Variants in ACP1 observed in about 807,000 individuals in gnomAD.
The protein encoded by ACP1 is acid phosphatase 1.
In ACP1, 23 loss-of-function variants were observed where a neutral mutation model predicts 23.4. The observed-to-expected ratio is 0.98, with a 90% confidence interval of 0.71 to 1.39. The LOEUF (loss-of-function observed/expected upper bound fraction) is 1.39, where lower values mean the gene tolerates loss of function less well. ACP1 is among the 40% of genes most tolerant of loss of function. ACP1 has a pLI of 0.00. For synonymous variants in ACP1, 72 were observed against 67.2 expected (o/e 1.07, Z -0.35); for missense variants, 180 against 197.7 (o/e 0.91, Z 0.54).
At chr2:266,393 A>G (rs977465763) in intron 1 of ACP1, 1 of 152,228 alleles carries the variant, frequency 6.6e-6, no homozygotes, top group African/African-American at 2.4e-5. Context: ...TTGGTTAAGG[A>G]TGGTTACTAA....
chr2:265,144 G>C (rs1316548005), intron 1 of ACP1, 137 bp downstream of exon 1: 5 of 1,000,212 alleles, frequency 5.0e-6, no homozygotes, highest in Admixed American at 3.0e-5. Context: ...GGGTGTTCTA[G>C]GAGTGTGCCG....
In ACP1 at chr2:265,879, C is replaced by G. The variant is rs79851395; in HGVS notation, c.43+872C>G. Reference sequence around the variant, plus strand: ...CTGCCTTCCAGAACCTTTCGTTGTTCGGTAGCACTTCACATGCTTACTGAG... The same window carrying G: ...CTGCCTTCCAGAACCTTTCGTTGTTGGGTAGCACTTCACATGCTTACTGAG... On this transcript the variant is annotated intron_variant, in intron 1 of 5. Coordinates refer to ENST00000272065, the MANE Select transcript of ACP1 (RefSeq NM_004300.4). 5.2e-3 allele frequency among the ~76,000 whole-genome samples: 789 copies of G among 152,316 alleles called. 1 individual carries two copies. Among genetic ancestry groups the G allele is most frequent in the Admixed American group, 0.015 (228 of 15,294 alleles).
chr2:275,839 T>C (rs1670154198), intron 4 of ACP1, among the ~76,000 whole-genome samples: 1 of 152,224 alleles, frequency 6.6e-6, no homozygotes, highest in Non-Finnish European at 1.5e-5. Context: ...TCACTACTTA[T>C]TCATAAATAT....
At chr2:275,302 A>G (rs1670141924) in intron 4 of ACP1, 101 bp downstream of exon 4, 1 of 583,904 alleles carries the variant, frequency 1.7e-6, no homozygotes, top group Non-Finnish European at 3.0e-6. Flanking sequence ...AAAGGTTTTA[A>G]TAGTCAGTGA....
In ACP1 at chr2:269,402, G is replaced by A. The variant is rs367824931; in HGVS notation, c.44-2464G>A. ...AGAAACTGAAGGCTGTAGTAAGGCA[G>A]TGAGTTGGTTTTCTGAACTAGGGAA... On this transcript the variant is annotated intron_variant, in intron 1 of 5. Transcript: ENST00000272065. 16 of 462,574 alleles carry A rather than the reference G, an allele frequency of 3.5e-5. No individual in the cohort carries two copies. The East Asian group carries it at 8.4e-4, about 24-fold the overall frequency. 28.7% of individuals were successfully genotyped at this position (462,574 alleles called of 1,614,324 possible). A position where few individuals can be genotyped will look rare whatever the true frequency, so the allele number is the denominator to read the frequency against.
intron 1 of ACP1, chr2:269,227 A>C: frequency 4.6e-6 from 2 of 436,658 alleles, no homozygotes; most frequent in Non-Finnish European, 9.4e-6. Flanking sequence ...TCGAAAGGAA[A>C]AACTTCACAA....
chr2:268,099 A>G (rs865838680), intron 1 of ACP1, among the ~76,000 whole-genome samples: 1 of 152,168 alleles, frequency 6.6e-6, no homozygotes, highest in African/African-American at 2.4e-5. Flanking sequence ...ACTTGGGCTT[A>G]CTCTGAATAA....
At position 277,518 on chromosome 2, in the gene ACP1, G is replaced by A. The variant is rs371196535; in HGVS notation, c.*214G>A. On this transcript the variant is annotated 3_prime_UTR_variant, in exon 6 of 6. Coordinates refer to ENST00000272065, the MANE Select transcript of ACP1 (RefSeq NM_004300.4). ...ATCTTTGATTCAGACAGCTTATGGG[G>A]TATTTTAAGCATTCTTAGACTAGTT... 1.7e-6 allele frequency: 1 copy of A among 581,876 alleles called. No homozygotes were observed. Among genetic ancestry groups the A allele is most frequent in the East Asian group, 2.9e-5 (1 of 34,852 alleles). The allele number at this position is 581,876 out of a possible 1,614,324, so 36.0% of individuals were successfully genotyped here. A position where few individuals can be genotyped will look rare whatever the true frequency, so the allele number is the denominator to read the frequency against.
intron 1 of ACP1, among the ~76,000 whole-genome samples, chr2:267,698 G>C (rs2103070964): frequency 6.6e-6 from 1 of 152,340 alleles, no homozygotes; most frequent in South Asian, 2.1e-4. Flanking sequence ...TGTTTTCTCA[G>C]TGCTTCCATT....
In ACP1 at chr2:264,991, G is replaced by A. The variant is rs1167082242; in HGVS notation, c.27G>A (p.Val9=). 1.9e-6 allele frequency: 3 copies of A among 1,613,216 alleles called. No homozygotes were observed. Among genetic ancestry groups the A allele is most frequent in the Admixed American group, 3.3e-5 (2 of 59,954 alleles). Residue 9 remains valine, a synonymous_variant, in exon 1 of 6, where the codon GTG becomes GTA. Coordinates refer to ENST00000272065, the MANE Select transcript of ACP1 (RefSeq NM_004300.4). The part of the protein sequence containing the change: MAEQATKS[V]LFVCLGNICR... ...TGGCGGAACAGGCTACCAAGTCCGT[G>A]CTGTTTGTGTGTCTGGGTAAGAGGG...
Position 271,956 on chromosome 2 carries a change from A to T in ACP1, c.117+17A>T, listed in dbSNP as rs1427535766. On this transcript the variant is annotated intron_variant, in intron 2 of 5. Coordinates refer to ENST00000272065, the MANE Select transcript of ACP1 (RefSeq NM_004300.4). ...TCAGAGAATGTAAGTACCATTCATT[A>T]TCTTAAAGAGGCCAACCTGAACTCC... The T allele has an allele frequency of 6.2e-7, 1 of 1,609,884 alleles. No homozygotes were observed. The highest frequency in any genetic ancestry group is 1.7e-5 in the Admixed American group (1 of 59,870).
At position 272,025 on chromosome 2, in the gene ACP1, C is replaced by A; in HGVS notation, c.118-12C>A. On this transcript the variant is annotated splice_polypyrimidine_tract_variant and intron_variant, in intron 2 of 5. Coordinates refer to ENST00000272065, the MANE Select transcript of ACP1 (RefSeq NM_004300.4). ...AAAAAAAAAAAAAAATTCCATGTTTCTTCCCCTGCAGTGGAGGGTAGACAG... is the reference window on the plus strand; with the variant it reads ...AAAAAAAAAAAAAAATTCCATGTTTATTCCCCTGCAGTGGAGGGTAGACAG... 6.2e-7 allele frequency: 1 copy of A among 1,605,234 alleles called. No homozygotes were observed. The highest frequency in any genetic ancestry group is 8.5e-7 in the Non-Finnish European group (1 of 1,174,518).
chr2:276,710 T>C (rs749084890), intron 4 of ACP1, among the ~76,000 whole-genome samples: 6 of 152,200 alleles, frequency 3.9e-5, no homozygotes, highest in Non-Finnish European at 7.4e-5. Flanking sequence ...TCTTAAAATG[T>C]ATTTTGTGGG....
In ACP1 at chr2:272,203, C is replaced by T. The variant is rs11553746; in HGVS notation, c.231+53C>T. 0.33 allele frequency: 528,567 copies of T among 1,613,824 alleles called. 89,201 individuals are homozygous for T. The highest frequency in any genetic ancestry group is 0.35 in the Non-Finnish European group (411,301 of 1,179,892). Reference sequence around the variant, plus strand: ...GTTTTGTGTTTCAGTGGGTCATTGACAGCGGTGCTGTTTCTGACTGGAACG... The same window carrying T: ...GTTTTGTGTTTCAGTGGGTCATTGATAGCGGTGCTGTTTCTGACTGGAACG... On this transcript the variant is annotated intron_variant, in intron 3 of 5. Coordinates refer to ENST00000272065, the MANE Select transcript of ACP1 (RefSeq NM_004300.4).
At chr2:271,616 A>T (rs929758042) in intron 1 of ACP1, among the ~76,000 whole-genome samples, 1 of 152,068 alleles carries the variant, frequency 6.6e-6, no homozygotes, top group Non-Finnish European at 1.5e-5. Context: ...TGTTTTTCTG[A>T]TATCTTTGTC....
rs1214729992 is a variant in ACP1 at position 275,155 on chromosome 2, T to G, written c.247T>G (p.Phe83Val). 1 of 1,534,840 alleles carries G rather than the reference T, an allele frequency of 6.5e-7. No homozygotes were observed. Among genetic ancestry groups the G allele is most frequent in the Non-Finnish European group, 8.9e-7 (1 of 1,119,712 alleles). The change falls in exon 4 of 6, where the codon TTT (phenylalanine) becomes GTT (valine). Residue 83 changes from phenylalanine to valine, a missense_variant. This residue lies in a region of ACP1 where 132 missense variants were observed against 124.1 expected (regional missense o/e 1.06). Transcript: ENST00000272065. Reference protein sequence around the residue: ...HVARQITKEDFATFDYILCMD... With the variant: ...HVARQITKEDVATFDYILCMD... Reference sequence around the variant, plus strand: ...TCAATTTTAGATTACCAAAGAAGATTTTGCCACATTTGATTATATACTATG... The same window carrying G: ...TCAATTTTAGATTACCAAAGAAGATGTTGCCACATTTGATTATATACTATG...
intron 3 of ACP1, chr2:274,607 AC>A (rs1354507870): frequency 6.6e-6 from 1 of 152,074 alleles, no homozygotes; most frequent in Non-Finnish European, 1.5e-5. Context: ...CCAACTTAAT[AC>A]TTTTACTCCT....
intron 1 of ACP1, among the ~76,000 whole-genome samples, chr2:268,827 G>C (rs1029675707): frequency 2.0e-5 from 3 of 152,160 alleles, no homozygotes; most frequent in African/African-American, 7.2e-5. Context: ...TGATGACCGG[G>C]GTGCTCCATT....
rs1330350674 is a variant in ACP1, at chr2:278,242, AAAT to A, written c.*941_*943del. The A allele has an allele frequency of 6.6e-6, 1 of 152,260 alleles. No homozygotes were observed. The highest frequency in any genetic ancestry group is 2.4e-5 in the African/African-American group (1 of 41,476). 9.4% of individuals were successfully genotyped at this position (152,260 alleles called of 1,614,324 possible). ...TAATGTCAAAATCATGAATATTTCA[AAAT>A]AAACTGGGGAGTTATAAAAATACAA... On this transcript the variant is annotated 3_prime_UTR_variant, in exon 6 of 6. Coordinates refer to ENST00000272065, the MANE Select transcript of ACP1 (RefSeq NM_004300.4).
Sources: allele counts gnomAD v4.1 joint callset (sites outside exome capture counted in the v4.1 genomes callset), GRCh38; gene constraint gnomAD v4.1.1; regional missense constraint gnomAD v4.1.1; transcripts MANE v1.5; gene names NCBI Gene and HGNC (gene_info 2026-07-23, HGNC 2026-07-21).